APC: variants seen among roughly 807,000 people sequenced by gnomAD.
The protein encoded by APC is APC regulator of Wnt signaling pathway, also known as adenomatous polyposis coli protein.
In APC, 72 loss-of-function variants were observed where a neutral mutation model predicts 247.0. The observed-to-expected ratio is 0.29, with a 90% CI of 0.24 to 0.35. APC has a LOEUF of 0.35. APC is among the 10% of genes least tolerant of loss of function. The pLI, the probability that APC is intolerant of heterozygous loss-of-function variation, is 1.00. For missense variants in APC, 3,400 were observed against 3,360.7 expected, an observed-to-expected ratio of 1.01 and a Z score of -0.29; for synonymous variants, 1,254 against 1,162.5, an observed-to-expected ratio of 1.08 and a Z score of -1.60.
At chr5:112,836,428 T>C (rs1311893400) in intron 15 of APC, among the ~76,000 whole-genome samples, 1 of 152,162 alleles carries the variant, frequency 6.6e-6, no homozygotes, top group Non-Finnish European at 1.5e-5. Context: ...AGAAGATTTC[T>C]TAAGTCCAGT....
chr5:112,825,633 C>T (rs1763574840), intron 11 of APC, among the ~76,000 whole-genome samples: 1 of 152,246 alleles, frequency 6.6e-6, no homozygotes, highest in African/African-American at 2.4e-5. Context: ...AGGAGAATCA[C>T]TTGAACCTAG....
At chr5:112,734,363 C>T (rs911010430), upstream of APC, among the ~76,000 whole-genome samples, 4 of 152,172 alleles carry the variant, frequency 2.6e-5, no homozygotes, top group African/African-American at 9.7e-5. Context: ...ACCAGTTAGG[C>T]ACACATCTAA....
chr5:112,794,465 C>G (rs1234878903), intron 7 of APC, among the ~76,000 whole-genome samples: 1 of 152,136 alleles, frequency 6.6e-6, no homozygotes, highest in Admixed American at 6.6e-5. Context: ...CAGTTGGGTT[C>G]AATTTTGATC....
chr5:112,834,015 G>A (rs1334251781), intron 14 of APC, among the ~76,000 whole-genome samples: 2 of 151,692 alleles, frequency 1.3e-5, no homozygotes, highest in East Asian at 1.9e-4. Flanking sequence ...GCAGTGGCGC[G>A]ATCATGGCTT....
At position 112,842,839 on chromosome 5, in the gene APC, A is replaced by G. The variant is rs1554088172; in HGVS notation, c.7245A>G (p.Glu2415=). Residue 2415 remains glutamate, a synonymous_variant, in exon 16 of 16, where the codon GAA becomes GAG. Coordinates refer to ENST00000257430, the MANE Select transcript of APC (RefSeq NM_000038.6). ...NNGNGANKKV[E]LSRMSSTKSS... ...GTAATGGAGCCAATAAAAAGGTAGA[A>G]CTTTCTAGAATGTCTTCAACTAAAT... The G allele has an allele frequency of 1.2e-6, 2 of 1,613,882 alleles. No homozygotes were observed.
At chr5:112,818,286 A>C (rs1215309685) in intron 9 of APC, among the ~76,000 whole-genome samples, 1 of 152,212 alleles carries the variant, frequency 6.6e-6, no homozygotes, top group Non-Finnish European at 1.5e-5. Flanking sequence ...TCCGGTTTCT[A>C]ATCTGCTTCT....
intron 9 of APC, 134 bp from the exon 10 acceptor site, chr5:112,818,832 T>G (rs1561540171): frequency 4.1e-5 from 29 of 705,902 alleles, no homozygotes; most frequent in East Asian, 4.5e-5. Context: ...TTCCGGTTTT[T>G]TGTTTTTTTT....
chr5:112,820,182 G>GACACACACAC (rs111788809), intron 10 of APC, among the ~76,000 whole-genome samples: 5 of 143,402 alleles, frequency 3.5e-5, no homozygotes, highest in South Asian at 2.3e-4. Context: ...GATAAGAACT[G>GACACACACAC]ACACACACAC....
chr5:112,822,670 C>T (rs566936263), intron 11 of APC, among the ~76,000 whole-genome samples: 1 of 152,192 alleles, frequency 6.6e-6, no homozygotes, highest in South Asian at 2.1e-4. Context: ...TTATAAATTG[C>T]ATCATGCTGA....
At chr5:112,765,281 G>GT (rs1433541156) in intron 2 of APC, among the ~76,000 whole-genome samples, 5 of 151,820 alleles carry the variant, frequency 3.3e-5, no homozygotes, top group Non-Finnish European at 7.4e-5. Flanking sequence ...TTGTTTGTTT[G>GT]TTTTTTTAAT....
chr5:112,809,725 AGGCGTGATGGC>A (rs1761786796), intron 8 of APC, among the ~76,000 whole-genome samples: 1 of 152,146 alleles, frequency 6.6e-6, no homozygotes, highest in Admixed American at 6.5e-5. Flanking sequence ...GAGAGCAGTC[AGGCGTGATGGC>A]TCACGCCTGT....
At chr5:112,716,499 A>G (rs965495151) in intron 1 of APC, among the ~76,000 whole-genome samples, 4 of 152,078 alleles carry the variant, frequency 2.6e-5, no homozygotes, top group Non-Finnish European at 2.9e-5. Context: ...ATGGCCCAGT[A>G]TATTGTCTTT....
At chr5:112,825,256 C>T (rs534860164) in intron 11 of APC, among the ~76,000 whole-genome samples, 19 of 152,310 alleles carry the variant, frequency 1.2e-4, no homozygotes, top group African/African-American at 4.6e-4. Context: ...TCCAAGCCAC[C>T]ATCGTCTCTC....
rs1412033652 is a variant in APC at position 112,845,636 on chromosome 5, CTT to C, written c.*1512_*1513del. 3.4e-5 allele frequency: 8 copies of C among 232,092 alleles called. No individual in the cohort carries two copies. In the Admixed American group the frequency reaches 4.5e-4, roughly 13 times the overall value. The allele number at this position is 232,092 out of a possible 1,614,324, so 14.4% of individuals were successfully genotyped here. On this transcript the variant is annotated 3_prime_UTR_variant, in exon 16 of 16. Transcript: ENST00000257430. ...TTAGAATCCCTGCCTGTTAAGGAAACTTTATTTGTGGTAGGTACAGTTCTGGG... is the reference window on the plus strand; with the variant it reads ...TTAGAATCCCTGCCTGTTAAGGAAACTATTTGTGGTAGGTACAGTTCTGGG...
At position 112,745,572 on chromosome 5, in the gene APC, A is replaced by T. The variant is rs553844775; in HGVS notation, c.-19+7647A>T. On this transcript the variant is annotated intron_variant, in intron 1 of 15. Coordinates refer to ENST00000257430, the MANE Select transcript of APC (RefSeq NM_000038.6). ...CTTTATTATTATTATTATTATTATT[A>T]TTATTTTTTGAGACGGAGTCTCACT... is the stretch of plus-strand genomic sequence containing the variant. Among the ~76,000 whole-genome samples, 998 of 149,592 alleles carry T rather than the reference A, an allele frequency of 6.7e-3. 7 individuals are homozygous for T. The highest frequency in any genetic ancestry group is 0.011 in the Middle Eastern group (3 of 284).
intron 10 of APC, 120 bp from the exon 11 acceptor site, chr5:112,821,776 C>A: frequency 4.1e-6 from 3 of 727,462 alleles, no homozygotes; most frequent in South Asian, 1.6e-5. Context: ...ATTTGTTGAT[C>A]CACTAAAATT....
chr5:112,711,646 C>T (rs985456516), intron 1 of APC, among the ~76,000 whole-genome samples: 5 of 152,064 alleles, frequency 3.3e-5, no homozygotes, highest in East Asian at 1.9e-4. Flanking sequence ...GCTTGAGGGG[C>T]GGAGTTCAAG....
intron 2 of APC, among the ~76,000 whole-genome samples, chr5:112,759,898 A>G (rs1755460141): frequency 1.3e-5 from 2 of 152,196 alleles, no homozygotes; most frequent in Admixed American, 1.3e-4. Context: ...CTTCAAAATC[A>G]AGGGCCTCTT....
In APC at chr5:112,767,262, C is replaced by T. The variant is rs2149788328; in HGVS notation, c.294C>T (p.Ser98=). Residue 98 remains serine, a synonymous_variant, in exon 4 of 16, where the codon AGC becomes AGT. Coordinates refer to ENST00000257430, the MANE Select transcript of APC (RefSeq NM_000038.6). ...RSKMSLRSYG[S]REGSVSSRSG... is the part of the protein sequence containing the mutation. ...AAATGTCCCTCCGTTCTTATGGAAG[C>T]CGGGAAGGATCTGTATCAAGCCGTT... 1.2e-6 allele frequency: 2 copies of T among 1,614,064 alleles called. No individual in the cohort carries two copies. The highest frequency in any genetic ancestry group is 1.7e-6 in the Non-Finnish European group (2 of 1,179,982).
Sources: allele counts gnomAD v4.1 joint callset (sites outside exome capture counted in the v4.1 genomes callset), GRCh38; gene constraint gnomAD v4.1.1; transcripts MANE v1.5; gene names NCBI Gene and HGNC (gene_info 2026-07-23, HGNC 2026-07-21).